Variants in MYO3A observed in about 807,000 individuals in gnomAD.
MYO3A encodes the protein myosin IIIA.
MYO3A carries 180 observed loss-of-function variants against 192.7 expected under a neutral mutation model. The ratio of observed to expected loss-of-function variants is 0.93; its 90% CI spans 0.83 to 1.06. The LOEUF is 1.06. MYO3A is among the 50% of genes least tolerant of loss of function. The pLI, the probability that MYO3A is intolerant of heterozygous loss-of-function variation, is 0.00. For synonymous variants in MYO3A, 628 were observed against 645.3 expected, an observed-to-expected ratio of 0.97 and a Z score of 0.41; for missense variants, 1,896 against 1,905.0, an observed-to-expected ratio of 1.00 and a Z score of 0.09.
intron 17 of MYO3A, among the ~76,000 whole-genome samples, chr10:26,098,217 G>T (rs1837183002): frequency 6.6e-6 from 1 of 151,334 alleles, no homozygotes; most frequent in South Asian, 2.1e-4. Flanking sequence ...AATGTCTTGA[G>T]AAGTGTCTGT....
Position 25,942,114 on chromosome 10 carries a change from G to A in MYO3A, c.-18+6284G>A, listed in dbSNP as rs564279300. On this transcript the variant is annotated intron_variant, in intron 2 of 34. Transcript: ENST00000642920. ...CCTCCTGGGTTCAAGTGATGCCTCT[G>A]CCTCAGCCTCCCAAGTACCTGGGAC... Among the ~76,000 whole-genome samples, 4 of 151,202 alleles carry A rather than the reference G, an allele frequency of 2.6e-5. No individual in the cohort carries two copies. In the South Asian group the frequency reaches 8.3e-4, roughly 32 times the overall value.
At chr10:25,961,577 A>T (rs1442602365) in intron 4 of MYO3A, among the ~76,000 whole-genome samples, 2 of 152,172 alleles carry the variant, frequency 1.3e-5, no homozygotes, top group Non-Finnish European at 2.9e-5. Flanking sequence ...AAAAAGAATA[A>T]ATTTAGTTTA....
At chr10:26,048,355 G>GTT (rs201965583) in intron 10 of MYO3A, among the ~76,000 whole-genome samples, 15 of 131,260 alleles carry the variant, frequency 1.1e-4, no homozygotes, top group South Asian at 2.3e-4. Context: ...AATACAGCTT[G>GTT]TTTTTTTTTT....
At chr10:26,037,237 A>G (rs905766056) in intron 10 of MYO3A, among the ~76,000 whole-genome samples, 1 of 152,224 alleles carries the variant, frequency 6.6e-6, no homozygotes, top group African/African-American at 2.4e-5. Flanking sequence ...ACAAATCTTA[A>G]TCATCTATGT....
intron 10 of MYO3A, among the ~76,000 whole-genome samples, chr10:26,054,139 TTGAG>T (rs35796810): frequency 0.16 from 24,668 of 151,942 alleles, 2,281 homozygotes; most frequent in Non-Finnish European, 0.21. Flanking sequence ...AGACCTTACT[TTGAG>T]TGAGTGACAT....
chr10:26,000,455 A>T (rs879384262), intron 6 of MYO3A, among the ~76,000 whole-genome samples: 1 of 152,240 alleles, frequency 6.6e-6, no homozygotes, highest in Non-Finnish European at 1.5e-5. Context: ...TTGCAAAAAA[A>T]ATGATTGAGG....
intron 8 of MYO3A, 104 bp from the exon 9 acceptor site, chr10:26,023,918 A>T: frequency 1.0e-6 from 1 of 990,888 alleles, no homozygotes; most frequent in Non-Finnish European, 1.6e-6. Flanking sequence ...ATCCTTGATT[A>T]CAACTGGCAG....
intron 10 of MYO3A, among the ~76,000 whole-genome samples, chr10:26,061,679 A>G (rs761287548): frequency 5.9e-5 from 9 of 152,184 alleles, no homozygotes; most frequent in African/African-American, 9.7e-5. Context: ...AATCATCACA[A>G]TGACCAAATC....
intron 14 of MYO3A, among the ~76,000 whole-genome samples, chr10:26,073,916 G>T (rs1487203457): frequency 1.3e-5 from 2 of 152,130 alleles, no homozygotes; most frequent in African/African-American, 2.4e-5. Context: ...TTACATGATG[G>T]CACATGTAAA....
chr10:25,987,231 A>G (rs1839708503), intron 4 of MYO3A, among the ~76,000 whole-genome samples: 1 of 152,220 alleles, frequency 6.6e-6, no homozygotes, highest in East Asian at 1.9e-4. Context: ...CAAAGACTTA[A>G]ATGTAAAACC....
intron 7 of MYO3A, among the ~76,000 whole-genome samples, chr10:26,018,783 G>A (rs186801890): frequency 8.7e-4 from 133 of 152,266 alleles, no homozygotes; most frequent in African/African-American, 2.8e-3. Flanking sequence ...CTGGGACATA[G>A]ATTCACCTGA....
chr10:26,116,673 G>A (rs1046464180), intron 17 of MYO3A, among the ~76,000 whole-genome samples: 24 of 152,150 alleles, frequency 1.6e-4, no homozygotes, highest in Non-Finnish European at 2.4e-4. Context: ...TGGGGACAAA[G>A]CATTTTGAGA....
chr10:26,195,020 A>G lies in MYO3A; in HGVS notation c.4545+1709A>G, dbSNP rs572070106. 3.3e-5 allele frequency among the ~76,000 whole-genome samples: 5 copies of G among 152,304 alleles called. No individual in the cohort carries two copies. The South Asian group carries it at 6.2e-4, about 19-fold the overall frequency. On this transcript the variant is annotated intron_variant, in intron 32 of 34. Coordinates refer to ENST00000642920, the MANE Select transcript of MYO3A (RefSeq NM_017433.5). ...TATACGTTAAATGGTTTTTAGTACA[A>G]TAATCACAATCAATTTTACAACATT...
intron 32 of MYO3A, among the ~76,000 whole-genome samples, chr10:26,197,405 A>T (rs2132176414): frequency 6.6e-6 from 1 of 152,358 alleles, no homozygotes; most frequent in African/African-American, 2.4e-5. Flanking sequence ...TTCTATGTTT[A>T]TCAAAAAGAA....
chr10:26,189,617 G>A (rs1843030351), intron 31 of MYO3A, among the ~76,000 whole-genome samples: 1 of 152,200 alleles, frequency 6.6e-6, no homozygotes, highest in East Asian at 1.9e-4. Flanking sequence ...GACAAGAGGA[G>A]AAAGTCCATT....
intron 34 of MYO3A, chr10:26,204,399 ATCT>A (rs1843811911): frequency 6.6e-6 from 1 of 152,200 alleles, no homozygotes; most frequent in Non-Finnish European, 1.5e-5. Context: ...GCAGATACAC[ATCT>A]GCTATGAAAG....
rs1221551797 is a variant in MYO3A at position 26,159,051 on chromosome 10, A to T, written c.2999+1536A>T. Among the ~76,000 whole-genome samples the T allele has an allele frequency of 2.7e-5, 4 of 148,958 alleles. No homozygotes were observed. The South Asian group carries it at 8.5e-4, about 32-fold the overall frequency. ...GAGACGGAGTCTTGCACTGTTGCCCAGGCTGGAGTGCAGTGGCCGGATCTC... is the reference window on the plus strand; with the variant it reads ...GAGACGGAGTCTTGCACTGTTGCCCTGGCTGGAGTGCAGTGGCCGGATCTC... On this transcript the variant is annotated intron_variant, in intron 26 of 34. Transcript: ENST00000642920.
chr10:26,043,317 T>C lies in MYO3A; in HGVS notation c.953+16785T>C, dbSNP rs572807441. On this transcript the variant is annotated intron_variant, in intron 10 of 34. Transcript: ENST00000642920. ...CCCACTGTAACCACTACCTGGCTACTGCCTATGTTTGCTCAAGGCATTGGA... is the reference window on the plus strand; with the variant it reads ...CCCACTGTAACCACTACCTGGCTACCGCCTATGTTTGCTCAAGGCATTGGA... 2.0e-5 allele frequency among the ~76,000 whole-genome samples: 3 copies of C among 151,892 alleles called. No homozygotes were observed. In the South Asian group the frequency reaches 6.2e-4, roughly 31 times the overall value.
chr10:26,082,756 T>TTC (rs59341701), intron 14 of MYO3A, among the ~76,000 whole-genome samples: 51 of 149,584 alleles, frequency 3.4e-4, no homozygotes, highest in African/African-American at 6.4e-4. Context: ...CTCTCTCTTT[T>TTC]TCTCTCTCTC....
Sources: gnomAD v4.1 joint callset for allele counts (sites outside exome capture counted in the v4.1 genomes callset) on GRCh38, gnomAD v4.1.1 for gene constraint, MANE v1.5 for transcripts, NCBI Gene and HGNC (gene_info 2026-07-23, HGNC 2026-07-21) for gene names.